Variants in IFNAR2 observed in about 807,000 individuals in gnomAD.
IFNAR2 encodes interferon alpha/beta receptor 2.
IFNAR2 carries 30 observed loss-of-function variants against 49.4 expected under a neutral mutation model. The observed-to-expected ratio is 0.61, with a 90% CI of 0.45 to 0.82. The LOEUF is 0.82. Among genes scored for constraint, IFNAR2 ranks in the 40% least tolerant of loss-of-function variants. The pLI is 0.00. For missense variants in IFNAR2, 600 were observed against 622.7 expected (o/e 0.96, Z 0.39); for synonymous variants, 224 against 234.5 (o/e 0.96, Z 0.41).
chr21:33,248,664 A>G (rs1469019126), intron 5 of IFNAR2, 45 bp from the exon 6 acceptor site: 4 of 1,548,928 alleles, frequency 2.6e-6, no homozygotes, highest in Non-Finnish European at 3.5e-6. Flanking sequence ...TGGGCCACAT[A>G]TGGTCTCTGT....
chr21:33,240,410 A>G (rs1766960024), intron 1 of IFNAR2, among the ~76,000 whole-genome samples: 1 of 152,246 alleles, frequency 6.6e-6, no homozygotes, highest in Admixed American at 6.5e-5. Context: ...GGTTTGTCTA[A>G]GTATACTCTG....
Position 33,263,072 on chromosome 21 carries a change from G to A in IFNAR2, c.1120G>A (p.Asp374Asn). 1 of 1,614,174 alleles carries A rather than the reference G, an allele frequency of 6.2e-7. No homozygotes were observed. Among genetic ancestry groups the A allele is most frequent in the South Asian group, 1.1e-5 (1 of 91,082 alleles). Residue 374 changes from aspartate to asparagine, a missense_variant, in exon 9 of 9, where the codon GAT becomes AAT. Asp to Asn is a conservative substitution (Grantham distance 23). Transcript: ENST00000342136. ...SEEEPDLPEV[D>N]VELPTMPKDS... ...GGAGGAGCCTGACCTGCCTGAGGTT[G>A]ATGTGGAGCTCCCCACGATGCCAAA...
At chr21:33,252,480 A>C (rs1384663175) in intron 6 of IFNAR2, 182 bp from the exon 7 acceptor site, 9 of 985,186 alleles carry the variant, frequency 9.1e-6, no homozygotes, top group Non-Finnish European at 1.1e-5. Flanking sequence ...GTATATTAAA[A>C]GTGCATGTAG....
At chr21:33,233,822 C>T (rs1408401019) in intron 1 of IFNAR2, among the ~76,000 whole-genome samples, 6 of 151,678 alleles carry the variant, frequency 4.0e-5, no homozygotes, top group Admixed American at 3.3e-4. Flanking sequence ...AGTATTTATT[C>T]TATTTAAATA....
rs45549138 is a variant in IFNAR2 at position 33,263,832 on chromosome 21, A to G, written c.*332A>G. ...AGTTTCAGAGGTGGTCCAGGACCCT[A>G]TGATATTTCTCTTCTTTCGTTCTTT... On this transcript the variant is annotated 3_prime_UTR_variant, in exon 9 of 9. Coordinates refer to ENST00000342136, the MANE Select transcript of IFNAR2 (RefSeq NM_001289125.3). The G allele has an allele frequency of 7.4e-4, 155 of 210,658 alleles. No homozygotes were observed. Among genetic ancestry groups the G allele is most frequent in the Non-Finnish European group, 1.2e-3 (125 of 106,920 alleles). 13.0% of individuals were successfully genotyped at this position (210,658 alleles called of 1,614,324 possible).
intron 1 of IFNAR2, among the ~76,000 whole-genome samples, chr21:33,240,076 T>G (rs1400101863): frequency 6.6e-6 from 1 of 152,116 alleles, no homozygotes; most frequent in Admixed American, 6.5e-5. Flanking sequence ...CCCAGAGTGG[T>G]CACAGGCCTC....
intron 6 of IFNAR2, among the ~76,000 whole-genome samples, chr21:33,249,338 C>T (rs1346843247): frequency 4.0e-5 from 4 of 99,064 alleles, no homozygotes; most frequent in Non-Finnish European, 6.4e-5. Context: ...AGCAAGACTC[C>T]GTCTCAAAAA....
intron 1 of IFNAR2, among the ~76,000 whole-genome samples, chr21:33,238,697 C>A (rs1601790727): frequency 6.7e-6 from 1 of 149,238 alleles, no homozygotes. Context: ...TTAAACAGCA[C>A]AAGCAACTCA....
chr21:33,265,081 C>T lies in IFNAR2; in HGVS notation c.*1581C>T, dbSNP rs1988878619. 6.6e-6 allele frequency: 1 copy of T among 152,174 alleles called. No individual in the cohort carries two copies. Among genetic ancestry groups the T allele is most frequent in the South Asian group, 2.1e-4 (1 of 4,832 alleles). The allele number at this position is 152,174 out of a possible 1,614,324, so 9.4% of individuals were successfully genotyped here. ...TCAGGGATCCAACTCCCACAGTTTC[C>T]CTGTGTGACCCTAGGCATTTGACTT... is the stretch of plus-strand genomic sequence containing the variant. On this transcript the variant is annotated 3_prime_UTR_variant, in exon 9 of 9. Transcript: ENST00000342136.
Position 33,246,650 on chromosome 21 carries a change from C to T in IFNAR2, c.222-68C>T, listed in dbSNP as rs547500208. ...CCCTAAAGGAAACAATGAAGTAAGG[C>T]GCCCAAAAATAGACTCTCATTACAT... On this transcript the variant is annotated intron_variant, in intron 4 of 8. Transcript: ENST00000342136. 670 of 1,215,622 alleles carry T rather than the reference C, an allele frequency of 5.5e-4. 10 individuals carry two copies. In the South Asian group the frequency reaches 6.3e-3, roughly 11 times the overall value. The allele number at this position is 1,215,622 out of a possible 1,614,324, so 75.3% of individuals were successfully genotyped here.
At position 33,262,896 on chromosome 21, in the gene IFNAR2, A is replaced by T; in HGVS notation, c.944A>T (p.Asp315Val). 1 of 1,613,976 alleles carries T rather than the reference A, an allele frequency of 6.2e-7. No individual in the cohort carries two copies. The highest frequency in any genetic ancestry group is 8.5e-7 in the Non-Finnish European group (1 of 1,180,020). Residue 315 changes from aspartate to valine, a missense_variant, in exon 9 of 9, where the codon GAT becomes GTT. Coordinates refer to ENST00000342136, the MANE Select transcript of IFNAR2 (RefSeq NM_001289125.3). ...IYINRKKKVW[D>V]YNYDDESDSD... ...ATCAACAGAAAGAAGAAAGTGTGGG[A>T]TTATAATTATGATGATGAAAGTGAT... is the stretch of plus-strand genomic sequence containing the variant.
Position 33,264,163 on chromosome 21 carries a change from C to G in IFNAR2, c.*663C>G, listed in dbSNP as rs1347436997. The G allele has an allele frequency of 1.3e-5, 2 of 152,034 alleles. No homozygotes were observed. The highest frequency in any genetic ancestry group is 4.8e-5 in the African/African-American group (2 of 41,378). The allele number at this position is 152,034 out of a possible 1,614,324, so 9.4% of individuals were successfully genotyped here. On this transcript the variant is annotated 3_prime_UTR_variant, in exon 9 of 9. Transcript: ENST00000342136. ...GGTGAGCCGCTGTGCCTGGCTGGCC[C>G]TGTGATATTTCTGTGAAATAAATTG...
In IFNAR2 at chr21:33,243,712, C is replaced by T; in HGVS notation, c.95C>T (p.Pro32Leu). ...GTGTTTGGTATTTCATATGATTCGC[C>T]TGGTAAGAGATGTTTTTTGGCTTCA... The part of the protein sequence containing the change: ...SLVFGISYDS[P>L]DYTDESCTFK... Residue 32 changes from proline to leucine, a missense_variant and splice_region_variant, in exon 3 of 9, where the codon CCT (proline) becomes CTT (leucine). Coordinates refer to ENST00000342136, the MANE Select transcript of IFNAR2 (RefSeq NM_001289125.3). The T allele has an allele frequency of 6.2e-7, 1 of 1,611,680 alleles. No individual in the cohort carries two copies. Among genetic ancestry groups the T allele is most frequent in the Non-Finnish European group, 8.5e-7 (1 of 1,177,878 alleles).
intron 7 of IFNAR2, among the ~76,000 whole-genome samples, chr21:33,256,683 T>A (rs1195727195): frequency 6.6e-6 from 1 of 152,244 alleles, no homozygotes; most frequent in African/African-American, 2.4e-5. Flanking sequence ...AAAGCTCTAT[T>A]CATTCATTTG....
At chr21:33,257,988 A>C (rs144468818) in intron 7 of IFNAR2, among the ~76,000 whole-genome samples, 2 of 152,274 alleles carry the variant, frequency 1.3e-5, no homozygotes, top group East Asian at 3.9e-4. Flanking sequence ...CTCTATGCCA[A>C]AGGGGCTTGT....
chr21:33,264,450 CTA>C lies in IFNAR2; in HGVS notation c.*951_*952del, dbSNP rs1162830040. The C allele has an allele frequency of 2.0e-5, 3 of 150,954 alleles. No homozygotes were observed. Among genetic ancestry groups the C allele is most frequent in the African/African-American group, 7.3e-5 (3 of 40,948 alleles). The allele number at this position is 150,954 out of a possible 1,614,324, so 9.4% of individuals were successfully genotyped here. A position where few individuals can be genotyped will look rare whatever the true frequency, so the allele number is the denominator to read the frequency against. ...ACAGACTTTAGGATCACGTGTGTGA[CTA>C]ATACAGAAAGGAAACATGGCGTCGG... is the stretch of plus-strand genomic sequence containing the variant. On this transcript the variant is annotated 3_prime_UTR_variant, in exon 9 of 9. Transcript: ENST00000342136.
intron 5 of IFNAR2, among the ~76,000 whole-genome samples, chr21:33,247,896 C>T (rs1375938837): frequency 2.0e-5 from 3 of 152,126 alleles, no homozygotes; most frequent in South Asian, 2.1e-4. Flanking sequence ...GCAAACAATT[C>T]GGATACGACA....
intron 7 of IFNAR2, among the ~76,000 whole-genome samples, chr21:33,255,223 T>C (rs2123512007): frequency 6.6e-6 from 1 of 152,366 alleles, no homozygotes; most frequent in South Asian, 2.1e-4. Context: ...GTCTTTGTTC[T>C]AACACCAGCT....
At chr21:33,245,286 A>T (rs1601800056) in intron 4 of IFNAR2, among the ~76,000 whole-genome samples, 2 of 152,306 alleles carry the variant, frequency 1.3e-5, no homozygotes, top group African/African-American at 4.8e-5. Context: ...AATAATCCAA[A>T]TCTATTTTGA....
Sources: gnomAD v4.1 joint callset for allele counts (sites outside exome capture counted in the v4.1 genomes callset) on GRCh38, gnomAD v4.1.1 for gene constraint, MANE v1.5 for transcripts, NCBI Gene and HGNC (gene_info 2026-07-23, HGNC 2026-07-21) for gene names.